Variants in NPAT observed in about 807,000 individuals in gnomAD.
NPAT encodes the protein nuclear protein, coactivator of histone transcription, also known as protein NPAT.
Under a neutral mutation model 130.7 loss-of-function variants are expected in NPAT, and 52 were observed. The observed-to-expected ratio is 0.40, with a 90% CI of 0.32 to 0.50. The LOEUF (loss-of-function observed/expected upper bound fraction) is 0.50. Ranked by LOEUF, NPAT falls within the 20% of genes least tolerant of loss-of-function variation. NPAT has a pLI of 0.68. For missense variants in NPAT, 1,687 were observed against 1,662.6 expected, an observed-to-expected ratio of 1.01 and a Z score of -0.26; for synonymous variants, 580 against 584.8, an observed-to-expected ratio of 0.99 and a Z score of 0.12.
At chr11:108,191,762 G>T (rs1008515956) in intron 4 of NPAT, among the ~76,000 whole-genome samples, 1 of 152,122 alleles carries the variant, frequency 6.6e-6, no homozygotes, top group East Asian at 1.9e-4. Flanking sequence ...AGTGGGCATG[G>T]GTTCAACGCA....
rs1282977409 is a variant in NPAT, at chr11:108,192,328, A to G, written c.218-138T>C. The G allele has an allele frequency of 4.3e-6, 3 of 705,272 alleles. No individual in the cohort carries two copies. In the African/African-American group the frequency reaches 5.3e-5, roughly 12 times the overall value. The allele number at this position is 705,272 out of a possible 1,614,324, so 43.7% of individuals were successfully genotyped here. On this transcript the variant is annotated intron_variant, in intron 3 of 17. Coordinates refer to ENST00000278612, the MANE Select transcript of NPAT (RefSeq NM_002519.3). ...AAAATGAGAAATAAATCTATGTTGT[A>G]AAATAGCTTGCAAAGCTATAATGCG... is the stretch of plus-strand genomic sequence containing the variant.
chr11:108,181,088 C>T (rs2078053972), intron 10 of NPAT, among the ~76,000 whole-genome samples: 4 of 152,184 alleles, frequency 2.6e-5, no homozygotes, highest in Admixed American at 6.5e-5. Context: ...TTGTGTCCCT[C>T]CCAAATTCAC....
chr11:108,165,937 C>T (rs1387607444), intron 15 of NPAT, among the ~76,000 whole-genome samples: 1 of 126,398 alleles, frequency 7.9e-6, no homozygotes, highest in Non-Finnish European at 1.6e-5. Context: ...CCAGCCCATA[C>T]CTGGCTAATT....
chr11:108,162,105 C>G lies in NPAT; in HGVS notation c.3071+15G>C. The G allele has an allele frequency of 6.2e-7, 1 of 1,613,140 alleles. No individual in the cohort carries two copies. The highest frequency in any genetic ancestry group is 1.3e-5 in the African/African-American group (1 of 75,030). On this transcript the variant is annotated intron_variant, in intron 16 of 17. Transcript: ENST00000278612. Reference sequence around the variant, plus strand: ...GCATTCAAACAATCTATGATAGAAACTACTTTATACTCACTTTTGTGCATG... The same window carrying G: ...GCATTCAAACAATCTATGATAGAAAGTACTTTATACTCACTTTTGTGCATG...
chr11:108,160,116 C>A (rs1057308782), intron 17 of NPAT, among the ~76,000 whole-genome samples: 1 of 149,848 alleles, frequency 6.7e-6, no homozygotes, highest in African/African-American at 2.5e-5. Flanking sequence ...CGCCACCGTA[C>A]TCTAGTGGGT....
In NPAT at chr11:108,172,384, A is replaced by G; in HGVS notation, c.2600T>C (p.Leu867Pro). ...STAFGNSNNI[L>P]IATCVTDPTA... ...TGGATCAGTCACACAGGTAGCTATC[A>G]GAATGTTATTTGAATTGCCAAAAGC... Residue 867 changes from leucine (L) to proline (P), a missense_variant, in exon 13 of 18, where the codon CTG becomes CCG. By Grantham distance (98) the Leu-to-Pro change is moderately conservative. Transcript: ENST00000278612. 1.2e-6 allele frequency: 2 copies of G among 1,614,234 alleles called. No homozygotes were observed. Among genetic ancestry groups the G allele is most frequent in the Non-Finnish European group, 1.7e-6 (2 of 1,180,038 alleles).
intron 15 of NPAT, among the ~76,000 whole-genome samples, chr11:108,167,057 G>T (rs1414365773): frequency 1.3e-5 from 2 of 152,004 alleles, no homozygotes; most frequent in Non-Finnish European, 2.9e-5. Context: ...GGTGTTTATT[G>T]TTGGCACCTA....
chr11:108,159,044 T>A, intron 17 of NPAT, 25 bp from the exon 18 acceptor site: 1 of 1,537,564 alleles, frequency 6.5e-7, no homozygotes, highest in Non-Finnish European at 8.9e-7. Context: ...AAAGAAAAAA[T>A]AAACTCAAAA....
rs762771164 is a variant in NPAT at position 108,186,472 on chromosome 11, A to G, written c.726+10T>C. On this transcript the variant is annotated intron_variant, in intron 8 of 17. Coordinates refer to ENST00000278612, the MANE Select transcript of NPAT (RefSeq NM_002519.3). The stretch of plus-strand genomic sequence containing the variant: ...TATTTTAAGTTGCAAAGTTTGGCAG[A>G]GTCACTTACTTTTTCTACTGCAAAA... 3.2e-5 allele frequency: 52 copies of G among 1,609,570 alleles called. No individual in the cohort carries two copies. The highest frequency in any genetic ancestry group is 4.2e-5 in the Non-Finnish European group (49 of 1,176,034).
In NPAT at chr11:108,186,667, G is replaced by A. The variant is rs146891203; in HGVS notation, c.639-98C>T. 90 of 991,496 alleles carry A rather than the reference G, an allele frequency of 9.1e-5. No homozygotes were observed. The East Asian group carries it at 2.3e-3, about 26-fold the overall frequency. 61.4% of individuals were successfully genotyped at this position (991,496 alleles called of 1,614,324 possible). A position where few individuals can be genotyped will look rare whatever the true frequency, so the allele number is the denominator to read the frequency against. ...CATAAATTTTAAGATCACCATAACA[G>A]AACAGATACAGTTGTCCCTGTATCT... is the stretch of plus-strand genomic sequence containing the variant. On this transcript the variant is annotated intron_variant, in intron 7 of 17. Transcript: ENST00000278612.
In NPAT at chr11:108,158,698, A is replaced by G. The variant is rs2077817878; in HGVS notation, c.*244T>C. 1 of 429,290 alleles carries G rather than the reference A, an allele frequency of 2.3e-6. No individual in the cohort carries two copies. The highest frequency in any genetic ancestry group is 3.9e-5 in the Admixed American group (1 of 25,792). 26.6% of individuals were successfully genotyped at this position (429,290 alleles called of 1,614,324 possible). A position where few individuals can be genotyped will look rare whatever the true frequency, so the allele number is the denominator to read the frequency against. Reference sequence around the variant, plus strand: ...CAATATGGAATTGTCAAAGCTATACAGTTTTGCAGATTGGCTTTACTTACA... The same window carrying G: ...CAATATGGAATTGTCAAAGCTATACGGTTTTGCAGATTGGCTTTACTTACA... On this transcript the variant is annotated 3_prime_UTR_variant, in exon 18 of 18. Transcript: ENST00000278612.
chr11:108,192,496 G>C (rs1405075474), intron 3 of NPAT, among the ~76,000 whole-genome samples: 1 of 151,938 alleles, frequency 6.6e-6, no homozygotes, highest in Admixed American at 6.6e-5. Flanking sequence ...TTTGATCTTT[G>C]TTCTATCTGA....
At chr11:108,191,023 A>G (rs2078164302) in intron 4 of NPAT, among the ~76,000 whole-genome samples, 1 of 152,234 alleles carries the variant, frequency 6.6e-6, no homozygotes, top group African/African-American at 2.4e-5. Flanking sequence ...AGCTATGATC[A>G]CACCACCGCA....
intron 12 of NPAT, among the ~76,000 whole-genome samples, chr11:108,174,613 T>TC (rs1352161074): frequency 6.7e-6 from 1 of 148,794 alleles, no homozygotes; most frequent in Non-Finnish European, 1.5e-5. Context: ...AAAGAGTATT[T>TC]CCTTTTTTTT....
chr11:108,184,503 T>C (rs2134854927), intron 10 of NPAT, among the ~76,000 whole-genome samples: 1 of 149,664 alleles, frequency 6.7e-6, no homozygotes, highest in East Asian at 2.0e-4. Flanking sequence ...CATTTTATTT[T>C]GTTAACTATT....
chr11:108,160,782 A>G (rs1461038288), intron 17 of NPAT, 98 bp downstream of exon 17: 23 of 1,054,684 alleles, frequency 2.2e-5, no homozygotes, highest in Non-Finnish European at 3.0e-5. Context: ...CTTAGCCATA[A>G]CGTTCAGTCA....
chr11:108,218,957 T>G (rs2078458851), intron 1 of NPAT, among the ~76,000 whole-genome samples: 1 of 152,176 alleles, frequency 6.6e-6, no homozygotes, highest in Non-Finnish European at 1.5e-5. Context: ...TTGCAAATGT[T>G]TTATTAAATA....
chr11:108,204,675 G>A (rs2078309268), intron 1 of NPAT, among the ~76,000 whole-genome samples: 1 of 152,248 alleles, frequency 6.6e-6, no homozygotes, highest in Admixed American at 6.5e-5. Context: ...GGGCCAAGCA[G>A]GCCCAGGAGC....
rs775247519 is a variant in NPAT at position 108,162,015 on chromosome 11, C to G, written c.3072-1G>C. On this transcript the variant is annotated splice_acceptor_variant, in intron 16 of 17. Coordinates refer to ENST00000278612, the MANE Select transcript of NPAT (RefSeq NM_002519.3). LOFTEE classifies it high-confidence loss of function. ...AATACTTTTGTCAGAAACTTCAGTT[C>G]TAAAACAAAACAAAACAAAACTATT... is the stretch of plus-strand genomic sequence containing the variant. The G allele has an allele frequency of 9.3e-6, 15 of 1,610,482 alleles. No individual in the cohort carries two copies.
Sources: allele counts gnomAD v4.1 joint callset (sites outside exome capture counted in the v4.1 genomes callset), GRCh38; gene constraint gnomAD v4.1.1; transcripts MANE v1.5; gene names NCBI Gene and HGNC (gene_info 2026-07-23, HGNC 2026-07-21).